The following FABP12 variants were observed in gnomAD, a reference collection of about 807,000 sequenced individuals.
FABP12 encodes the protein fatty acid binding protein 12, also known as fatty acid-binding protein 12.
A neutral mutation model predicts 13.7 loss-of-function variants in FABP12; 19 were observed. That is an observed-to-expected ratio of 1.39 (90% confidence interval 0.97 to 2.04). The LOEUF (loss-of-function observed/expected upper bound fraction) is 2.04. Ranked by LOEUF, FABP12 falls within the 30% of genes most tolerant of loss-of-function variation. The pLI, the probability that FABP12 is intolerant of heterozygous loss-of-function variation, is 0.00. For synonymous variants in FABP12, 61 were observed against 57.0 expected (o/e 1.07, Z -0.32); for missense variants, 182 against 164.2 (o/e 1.11, Z -0.59).
At chr8:81,571,779 A>ACAACC (rs1175708509) in intron 1 of FABP12, among the ~76,000 whole-genome samples, 1 of 152,176 alleles carries the variant, frequency 6.6e-6, no homozygotes, top group African/African-American at 2.4e-5. Context: ...GAAACGACTA[A>ACAACC]CAACCACAAG....
chr8:81,575,849 A>T lies in FABP12; in HGVS notation c.-185+14204T>A, dbSNP rs78590979. ...GCCTGAACCCTACTGTGAACTGCTC[A>T]TGTGAGGGATCTAGGCTGCATGCTC... On this transcript the variant is annotated intron_variant, in intron 1 of 5. Coordinates refer to the FABP12 transcript ENST00000692030. Among the ~76,000 whole-genome samples, 6 of 152,206 alleles carry T rather than the reference A, an allele frequency of 3.9e-5. No individual in the cohort carries two copies. The East Asian group carries it at 1.2e-3, about 29-fold the overall frequency.
At chr8:81,556,729 A>T (rs374828586) in intron 1 of FABP12, among the ~76,000 whole-genome samples, 4 of 147,376 alleles carry the variant, frequency 2.7e-5, no homozygotes, top group Non-Finnish European at 1.5e-5. Context: ...TATATATAAA[A>T]ATATATAATT....
chr8:81,588,322 C>G (rs907207026), intron 1 of FABP12, among the ~76,000 whole-genome samples: 17 of 152,170 alleles, frequency 1.1e-4, no homozygotes, highest in African/African-American at 4.1e-4. Context: ...TGACTTCCTC[C>G]CTTCCTATTT....
At chr8:81,543,326 G>A (rs1245504160) in intron 1 of FABP12, among the ~76,000 whole-genome samples, 2 of 152,172 alleles carry the variant, frequency 1.3e-5, no homozygotes, top group Non-Finnish European at 2.9e-5. Flanking sequence ...TCTTCAGCAG[G>A]TTTGGGCAAT....
chr8:81,529,664 A>AGGCCGGGCGCGGTGGC, intron 2 of FABP12, 54 bp from the exon 3 acceptor site: 1 of 1,442,090 alleles, frequency 6.9e-7, no homozygotes, highest in Non-Finnish European at 9.6e-7. Flanking sequence ...TTACAAATAC[A>AGGCCGGGCGCGGTGGC]TTACATTACA....
chr8:81,574,635 T>C (rs1001724009), intron 1 of FABP12, among the ~76,000 whole-genome samples: 1 of 152,166 alleles, frequency 6.6e-6, no homozygotes, highest in Admixed American at 6.5e-5. Context: ...CTGCTCGTTA[T>C]TGTTCTGTTC....
chr8:81,576,498 AACAC>A (rs1013311428), intron 1 of FABP12, among the ~76,000 whole-genome samples: 1 of 151,658 alleles, frequency 6.6e-6, no homozygotes, highest in South Asian at 2.1e-4. Context: ...ATATAACACA[AACAC>A]ACACACACAA....
chr8:81,576,434 G>A (rs1166079881), intron 1 of FABP12, among the ~76,000 whole-genome samples: 2 of 151,774 alleles, frequency 1.3e-5, no homozygotes, highest in African/African-American at 4.8e-5. Flanking sequence ...TTTTCTTATA[G>A]GCAATCGAAA....
At chr8:81,546,036 T>C (rs1809429929) in intron 1 of FABP12, among the ~76,000 whole-genome samples, 1 of 152,212 alleles carries the variant, frequency 6.6e-6, no homozygotes, top group Admixed American at 6.5e-5. Context: ...CCTAGGGCTT[T>C]TGCTTTGCAC....
intron 2 of FABP12, among the ~76,000 whole-genome samples, chr8:81,530,178 A>G (rs1368195258): frequency 2.0e-5 from 3 of 152,176 alleles, no homozygotes; most frequent in Non-Finnish European, 4.4e-5. Flanking sequence ...TGCAAGCATC[A>G]CCATTATTTA....
chr8:81,589,738 C>T (rs1810292745), intron 1 of FABP12, among the ~76,000 whole-genome samples: 2 of 152,214 alleles, frequency 1.3e-5, no homozygotes, highest in Non-Finnish European at 2.9e-5. Flanking sequence ...CTGCAAACCA[C>T]CTTCTAAAAC....
intron 1 of FABP12, among the ~76,000 whole-genome samples, chr8:81,569,290 T>G (rs1019128867): frequency 6.6e-6 from 1 of 152,230 alleles, no homozygotes; most frequent in African/African-American, 2.4e-5. Context: ...AAATGTTGAC[T>G]TAATCAGATA....
intron 1 of FABP12, among the ~76,000 whole-genome samples, chr8:81,562,934 A>AC (rs1257020845): frequency 6.6e-6 from 1 of 152,190 alleles, no homozygotes; most frequent in African/African-American, 2.4e-5. Context: ...GAGCAAATGT[A>AC]AGTGGTAGTC....
intron 1 of FABP12, among the ~76,000 whole-genome samples, chr8:81,571,277 C>T (rs1368468459): frequency 6.6e-6 from 1 of 152,214 alleles, no homozygotes; most frequent in Non-Finnish European, 1.5e-5. Context: ...CCTTCCCAGG[C>T]CCCCAGGAGT....
intron 1 of FABP12, among the ~76,000 whole-genome samples, chr8:81,554,315 T>C (rs550837922): frequency 2.0e-5 from 3 of 152,182 alleles, no homozygotes; most frequent in Admixed American, 6.5e-5. Flanking sequence ...AGCTCTGTAC[T>C]AGATGCCTTG....
chr8:81,527,761 C>T (rs190550156), intron 3 of FABP12, among the ~76,000 whole-genome samples: 1 of 152,188 alleles, frequency 6.6e-6, no homozygotes, highest in Non-Finnish European at 1.5e-5. Context: ...GTGTGAAACT[C>T]CAGCCTGGAC....
rs1418973463 is a variant in FABP12, at chr8:81,549,224, CACAT to C, written c.-184-9485_-184-9482del. Reference sequence around the variant, plus strand: ...TCTCTCTTTCGCCTCTACACAGACACACATACACACACACACACACACACACACA... The same window carrying C: ...TCTCTCTTTCGCCTCTACACAGACACACACACACACACACACACACACACA... On this transcript the variant is annotated intron_variant, in intron 1 of 5. Coordinates refer to the FABP12 transcript ENST00000692030. Among the ~76,000 whole-genome samples the C allele has an allele frequency of 6.2e-3, 456 of 73,596 alleles. 8 individuals are homozygous for C. In the Admixed American group the frequency reaches 0.064, roughly 10 times the overall value. The allele number at this position is 73,596 out of a possible 152,430, so 48.3% of individuals were successfully genotyped here. A position where few individuals can be genotyped will look rare whatever the true frequency, so the allele number is the denominator to read the frequency against.
At chr8:81,590,074 T>C (rs1242208342) in exon 1 of FABP12, among the ~76,000 whole-genome samples, 2 of 152,214 alleles carry the variant, frequency 1.3e-5, no homozygotes, top group East Asian at 3.8e-4. Context: ...AAGAAGAGAA[T>C]TGAAGTGAAC....
In FABP12 at chr8:81,584,005, A is replaced by T. The variant is rs74799239; in HGVS notation, c.-185+6048T>A. Among the ~76,000 whole-genome samples, 693 of 152,314 alleles carry T rather than the reference A, an allele frequency of 4.5e-3. 8 individuals carry two copies. Among genetic ancestry groups the T allele is most frequent in the African/African-American group, 0.016 (663 of 41,574 alleles). Reference sequence around the variant, plus strand: ...AAAGTAATACACCATAATCAAGTGGATTTATTCCAGGGATGCAAAGATTGT... The same window carrying T: ...AAAGTAATACACCATAATCAAGTGGTTTTATTCCAGGGATGCAAAGATTGT... On this transcript the variant is annotated intron_variant, in intron 1 of 5. Transcript: ENST00000692030.
Sources: gnomAD v4.1 joint callset for allele counts (sites outside exome capture counted in the v4.1 genomes callset) on GRCh38, gnomAD v4.1.1 for gene constraint, MANE v1.5 for transcripts, NCBI Gene and HGNC (gene_info 2026-07-23, HGNC 2026-07-21) for gene names.